Variants in OSBPL5 observed in about 807,000 individuals in gnomAD.
The protein encoded by OSBPL5 is oxysterol-binding protein-related protein 5.
OSBPL5 carries 71 observed loss-of-function variants against 111.2 expected under a neutral mutation model. The observed-to-expected ratio is 0.64, with a 90% CI of 0.53 to 0.78. The LOEUF (loss-of-function observed/expected upper bound fraction) is 0.78, where lower values mean the gene tolerates loss of function less well. Ranked by LOEUF, OSBPL5 falls within the 30% of genes least tolerant of loss-of-function variation. The pLI is 0.00. For synonymous variants in OSBPL5, 549 were observed against 513.9 expected (o/e 1.07, Z -0.93); for missense variants, 1,210 against 1,189.3 (o/e 1.02, Z -0.26).
In OSBPL5 at chr11:3,094,353, C is replaced by T. The variant is rs769090770; in HGVS notation, c.1622-19G>A. ...AGGATTCCTGAAATGCAGCCAGTGT[C>T]AGGGGCCAGGCGGCCCCAGCCCTGC... On this transcript the variant is annotated intron_variant, in intron 14 of 21. Coordinates refer to ENST00000263650, the MANE Select transcript of OSBPL5 (RefSeq NM_020896.4). 11 of 1,607,242 alleles carry T rather than the reference C, an allele frequency of 6.8e-6. No homozygotes were observed. The African/African-American group carries it at 1.5e-4, about 22-fold the overall frequency.
rs1488947306 is a variant in OSBPL5 at position 3,101,714 on chromosome 11, G to C, written c.1426-15C>G. The C allele has an allele frequency of 6.2e-7, 1 of 1,608,944 alleles. No homozygotes were observed. The highest frequency in any genetic ancestry group is 1.1e-5 in the South Asian group (1 of 90,988). On this transcript the variant is annotated splice_polypyrimidine_tract_variant and intron_variant, in intron 12 of 21. Coordinates refer to ENST00000263650, the MANE Select transcript of OSBPL5 (RefSeq NM_020896.4). ...TGGTGGGACACCTGCGTGCAGGGAG[G>C]CGGCTCTGTAAACAGCCCCGGAAAC...
rs996453669 is a variant in OSBPL5 at position 3,140,738 on chromosome 11, C to A, written c.-21-11569G>T. On this transcript the variant is annotated intron_variant, in intron 1 of 21. Coordinates refer to ENST00000263650, the MANE Select transcript of OSBPL5 (RefSeq NM_020896.4). The surrounding 1 kb of genome is among the most constrained non-coding windows in gnomAD (Gnocchi z 4.5). Reference sequence around the variant, plus strand: ...GTCATAAGGTCACCTGCTGCCCACACGTCCCATCCTAGTCCTCCTTGGGGT... The same window carrying A: ...GTCATAAGGTCACCTGCTGCCCACAAGTCCCATCCTAGTCCTCCTTGGGGT... 2.6e-5 allele frequency among the ~76,000 whole-genome samples: 4 copies of A among 152,204 alleles called. No individual in the cohort carries two copies. The highest frequency in any genetic ancestry group is 5.9e-5 in the Non-Finnish European group (4 of 68,032).
chr11:3,123,256 C>T (rs1858487465), intron 3 of OSBPL5, among the ~76,000 whole-genome samples: 1 of 152,246 alleles, frequency 6.6e-6, no homozygotes, highest in African/African-American at 2.4e-5. Flanking sequence ...GGTCTAAAGC[C>T]TGCAGGCTGG....
intron 14 of OSBPL5, among the ~76,000 whole-genome samples, chr11:3,096,995 A>AGGAAAGGGGGGAAGACGGGAGGAGG (rs1564824486): frequency 1.9e-3 from 4 of 2,094 alleles, no homozygotes; most frequent in African/African-American, 6.8e-3. Context: ...GGAGGAGGAG[A>AGGAAAGGGGGGAAGACGGGAGGAGG]AGAGGAAAGA....
intron 21 of OSBPL5, 152 bp from the exon 22 acceptor site, chr11:3,088,495 G>A (rs1484100184): frequency 5.4e-6 from 5 of 933,864 alleles, no homozygotes; most frequent in Non-Finnish European, 7.2e-6. Context: ...CAGAGCGGGT[G>A]GGGGTGGAAA....
chr11:3,103,147 G>T (rs890403603), intron 11 of OSBPL5, 92 bp downstream of exon 11: 4 of 1,124,656 alleles, frequency 3.6e-6, no homozygotes, highest in Non-Finnish European at 5.1e-6. Context: ...GTAGGGGGTG[G>T]CCCGGGGACT....
intron 7 of OSBPL5, among the ~76,000 whole-genome samples, chr11:3,116,667 C>T (rs1858216255): frequency 6.6e-6 from 1 of 152,006 alleles, no homozygotes; most frequent in African/African-American, 2.4e-5. Flanking sequence ...CCAGCCTGGC[C>T]AACATGGTGA....
intron 17 of OSBPL5, 118 bp downstream of exon 17, chr11:3,093,408 TG>T: frequency 6.9e-7 from 1 of 1,446,906 alleles, no homozygotes; most frequent in South Asian, 1.3e-5. Context: ...GCACCAGGCC[TG>T]CCCTCCCTGC....
At position 3,140,313 on chromosome 11, in the gene OSBPL5, C is replaced by T. The variant is rs1318405782; in HGVS notation, c.-21-11144G>A. ...CCAGCATGGTGCCACCCAGGAGTGA[C>T]ACACACAGCCAAGCTCTCCCCTGTA... On this transcript the variant is annotated intron_variant, in intron 1 of 21. Transcript: ENST00000263650. The surrounding 1 kb of genome is among the most constrained non-coding windows in gnomAD (Gnocchi z 4.5). Among the ~76,000 whole-genome samples, 1 of 152,204 alleles carries T rather than the reference C, an allele frequency of 6.6e-6. No individual in the cohort carries two copies. The highest frequency in any genetic ancestry group is 1.5e-5 in the Non-Finnish European group (1 of 68,030).
At chr11:3,148,951 G>A (rs1325221988) in intron 1 of OSBPL5, among the ~76,000 whole-genome samples, 1 of 152,248 alleles carries the variant, frequency 6.6e-6, no homozygotes. Context: ...AGCCTCTGCT[G>A]TGGGTTGGCA....
At chr11:3,117,585 CTG>C (rs1479177083) in intron 7 of OSBPL5, among the ~76,000 whole-genome samples, 1 of 152,148 alleles carries the variant, frequency 6.6e-6, no homozygotes, top group Non-Finnish European at 1.5e-5. Context: ...AAATGGGAAA[CTG>C]GAGAGAAAAA....
At chr11:3,099,784 C>T (rs557863481) in intron 14 of OSBPL5, among the ~76,000 whole-genome samples, 10 of 152,148 alleles carry the variant, frequency 6.6e-5, no homozygotes, top group African/African-American at 1.9e-4. Flanking sequence ...AAGTCATGGG[C>T]GAGGCTGGGC....
intron 1 of OSBPL5, among the ~76,000 whole-genome samples, chr11:3,153,530 C>A (rs1480062397): frequency 6.6e-6 from 1 of 152,210 alleles, no homozygotes; most frequent in Admixed American, 6.5e-5. Flanking sequence ...CCTGCTCTGG[C>A]AAGCTGCGGG....
At chr11:3,095,324 A>G (rs373985601) in intron 14 of OSBPL5, among the ~76,000 whole-genome samples, 14,325 of 150,072 alleles carry the variant, frequency 0.095, 860 homozygotes, top group Non-Finnish European at 0.13. Flanking sequence ...AAAAAAAAAA[A>G]AAAAGAAAAG....
At chr11:3,148,097 C>T (rs900377456) in intron 1 of OSBPL5, among the ~76,000 whole-genome samples, 9 of 152,308 alleles carry the variant, frequency 5.9e-5, no homozygotes, top group African/African-American at 1.9e-4. Flanking sequence ...CCCCAGTGCC[C>T]GAACATGGAG....
At chr11:3,160,780 G>C (rs983668402) in intron 1 of OSBPL5, 1 of 149,586 alleles carries the variant, frequency 6.7e-6, no homozygotes, top group African/African-American at 2.5e-5. Context: ...GCCGAGGAAG[G>C]CCCTTCCCCG....
chr11:3,126,621 C>T lies in OSBPL5; in HGVS notation c.137-66G>A, dbSNP rs1472998458. 1.3e-5 allele frequency: 18 copies of T among 1,432,362 alleles called. 1 individual carries two copies. The African/African-American group carries it at 1.4e-4, about 11-fold the overall frequency. The allele number at this position is 1,432,362 out of a possible 1,614,324, so 88.7% of individuals were successfully genotyped here. On this transcript the variant is annotated intron_variant, in intron 2 of 21. Coordinates refer to ENST00000263650, the MANE Select transcript of OSBPL5 (RefSeq NM_020896.4). This position sits in a 1 kb window ranked among gnomAD's most constrained non-coding sequence, Gnocchi z 6.5. ...CGTGGCCAGGCTTCTCAGGCCGCTG[C>T]CTGGTGTGAGGCAGGCGAAGCGTGG...
chr11:3,094,538 CGGAG>C (rs1857188533), intron 14 of OSBPL5: 1 of 248,824 alleles, frequency 4.0e-6, no homozygotes, highest in East Asian at 6.0e-4. Context: ...GGTGGGGGTG[CGGAG>C]CCTGGGAGGT....
At chr11:3,159,528 C>A (rs1846890098) in intron 1 of OSBPL5, among the ~76,000 whole-genome samples, 1 of 152,210 alleles carries the variant, frequency 6.6e-6, no homozygotes, top group African/African-American at 2.4e-5. Context: ...CTCAAAGAGC[C>A]CAGGCCAACT....
Sources: gnomAD v4.1 joint callset for allele counts (sites outside exome capture counted in the v4.1 genomes callset) on GRCh38, gnomAD v4.1.1 for gene constraint, Gnocchi (gnomAD v3.1) non-coding constraint, MANE v1.5 for transcripts, NCBI Gene and HGNC (gene_info 2026-07-23, HGNC 2026-07-21) for gene names.